The following IPCEF1 variants were observed in gnomAD, a reference collection of about 807,000 sequenced individuals.
The protein encoded by IPCEF1 is interactor protein for cytohesin exchange factors 1.
A neutral mutation model predicts 50.9 loss-of-function variants in IPCEF1; 31 were observed. The observed-to-expected ratio is 0.61, with a 90% CI of 0.46 to 0.82. IPCEF1 has a LOEUF of 0.82. Ranked by LOEUF, IPCEF1 falls within the 40% of genes least tolerant of loss-of-function variation. The pLI is 0.00. For synonymous variants in IPCEF1, 181 were observed against 192.0 expected (o/e 0.94, Z 0.47); for missense variants, 458 against 514.0 (o/e 0.89, Z 1.05).
In IPCEF1 at chr6:154,239,981, C is replaced by T. The variant is rs1458150735; in HGVS notation, c.246+6610G>A. Among the ~76,000 whole-genome samples the T allele has an allele frequency of 2.6e-5, 4 of 152,292 alleles. No homozygotes were observed. The East Asian group carries it at 5.8e-4, about 22-fold the overall frequency. On this transcript the variant is annotated intron_variant, in intron 5 of 11. Transcript: ENST00000367220. ...CCACCCAAAGTGCTGGGACTACAGGCGTGAGCCACAGCACCCAACCTTGAA... is the reference window on the plus strand; with the variant it reads ...CCACCCAAAGTGCTGGGACTACAGGTGTGAGCCACAGCACCCAACCTTGAA...
intron 1 of IPCEF1, among the ~76,000 whole-genome samples, chr6:154,341,397 G>A (rs1783915382): frequency 6.6e-6 from 1 of 152,170 alleles, no homozygotes; most frequent in Admixed American, 6.5e-5. Context: ...AAAGCCCTTG[G>A]GGCTTGAAGC....
chr6:154,187,130 T>C (rs1801442887), intron 10 of IPCEF1, among the ~76,000 whole-genome samples: 1 of 152,186 alleles, frequency 6.6e-6, no homozygotes, highest in Admixed American at 6.5e-5. Flanking sequence ...TGGAAGACTC[T>C]TCCCCAAATA....
At chr6:154,250,119 A>G (rs1781300215) in intron 3 of IPCEF1, among the ~76,000 whole-genome samples, 1 of 152,216 alleles carries the variant, frequency 6.6e-6, no homozygotes, top group African/African-American at 2.4e-5. Flanking sequence ...AAATTGGTTT[A>G]TATGAGACAG....
intron 5 of IPCEF1, among the ~76,000 whole-genome samples, chr6:154,245,894 C>G (rs1366688480): frequency 6.6e-6 from 1 of 152,216 alleles, no homozygotes; most frequent in African/African-American, 2.4e-5. Flanking sequence ...AACTTTATTT[C>G]CAGCCATTTT....
chr6:154,294,964 C>A (rs1045981752), intron 1 of IPCEF1, among the ~76,000 whole-genome samples: 1 of 152,108 alleles, frequency 6.6e-6, no homozygotes, highest in Non-Finnish European at 1.5e-5. Flanking sequence ...TTTGGGAGGC[C>A]AAGGCGGGCA....
At chr6:154,188,874 C>T (rs998610632) in intron 10 of IPCEF1, among the ~76,000 whole-genome samples, 4 of 151,874 alleles carry the variant, frequency 2.6e-5, no homozygotes, top group East Asian at 1.9e-4. Context: ...AGTGGACTAA[C>T]GTTTATAAAA....
In IPCEF1 at chr6:154,159,182, A is replaced by G. The variant is rs1798831998; in HGVS notation, c.*646T>C. On this transcript the variant is annotated 3_prime_UTR_variant, in exon 12 of 12. Coordinates refer to ENST00000367220, the MANE Select transcript of IPCEF1 (RefSeq NM_001130700.2). ...ATTAATCAGATCCCCTAACCTGCAT[A>G]AAGTGTGAAAACACCAAGCTGTCCT... 1 of 152,620 alleles carries G rather than the reference A, an allele frequency of 6.6e-6. No individual in the cohort carries two copies. Among genetic ancestry groups the G allele is most frequent in the Non-Finnish European group, 1.5e-5 (1 of 68,218 alleles). 9.5% of individuals were successfully genotyped at this position (152,620 alleles called of 1,614,324 possible). A position where few individuals can be genotyped will look rare whatever the true frequency, so the allele number is the denominator to read the frequency against.
chr6:154,340,915 GTA>G (rs201360728), intron 1 of IPCEF1, among the ~76,000 whole-genome samples: 4 of 101,644 alleles, frequency 3.9e-5, no homozygotes, highest in East Asian at 1.9e-3. Flanking sequence ...ATATATGTGT[GTA>G]TATATATGTG....
At chr6:154,339,798 G>A (rs937932250) in intron 1 of IPCEF1, among the ~76,000 whole-genome samples, 55 of 152,058 alleles carry the variant, frequency 3.6e-4, no homozygotes, top group African/African-American at 7.2e-4. Flanking sequence ...GTCTCACTAT[G>A]TATAACCCAG....
At chr6:154,305,863 G>C (rs1562587331) in intron 1 of IPCEF1, among the ~76,000 whole-genome samples, 1 of 152,170 alleles carries the variant, frequency 6.6e-6, no homozygotes, top group Non-Finnish European at 1.5e-5. Context: ...TCAGCTCTTG[G>C]ACCTTTGGAC....
At chr6:154,212,577 G>A (rs1471187984) in intron 9 of IPCEF1, among the ~76,000 whole-genome samples, 193 bp downstream of exon 9, 1 of 152,202 alleles carries the variant, frequency 6.6e-6, no homozygotes, top group African/African-American at 2.4e-5. Flanking sequence ...AATATACCAA[G>A]TTTATCATAC....
chr6:154,248,849 T>C (rs1781267005), intron 3 of IPCEF1, among the ~76,000 whole-genome samples: 1 of 152,178 alleles, frequency 6.6e-6, no homozygotes, highest in Admixed American at 6.5e-5. Context: ...CATCCCTTTA[T>C]ATGAGTATGT....
rs1302059903 is a variant in IPCEF1 at position 154,237,484 on chromosome 6, A to C, written c.246+9107T>G. 2.6e-5 allele frequency among the ~76,000 whole-genome samples: 4 copies of C among 152,222 alleles called. No homozygotes were observed. In the East Asian group the frequency reaches 7.7e-4, roughly 29 times the overall value. On this transcript the variant is annotated intron_variant, in intron 5 of 11. Transcript: ENST00000367220. Reference sequence around the variant, plus strand: ...TCCTAGCACAATTCTCCTGCATCCTAAAATCTCAATATTTAGGCAAACACA... The same window carrying C: ...TCCTAGCACAATTCTCCTGCATCCTCAAATCTCAATATTTAGGCAAACACA...
chr6:154,193,744 A>T (rs9371780), intron 10 of IPCEF1, among the ~76,000 whole-genome samples: 101,806 of 152,154 alleles, frequency 0.67, 34,644 homozygotes, highest in East Asian at 0.89. Flanking sequence ...GCTGCCAGAC[A>T]GACAAGGAGG....
At chr6:154,356,278 A>G (rs1784216250) in intron 1 of IPCEF1, among the ~76,000 whole-genome samples, 1 of 152,160 alleles carries the variant, frequency 6.6e-6, no homozygotes, top group Non-Finnish European at 1.5e-5. Context: ...ATGCAAAGGA[A>G]GCTCCCTTGC....
chr6:154,185,236 G>T (rs557731406), intron 10 of IPCEF1, among the ~76,000 whole-genome samples: 1 of 152,326 alleles, frequency 6.6e-6, no homozygotes, highest in African/African-American at 2.4e-5. Flanking sequence ...CTGCCAAGGA[G>T]GAGGGTCTTC....
rs902662673 is a variant in IPCEF1, at chr6:154,290,636, TG to T, written c.-61-881del. Reference sequence around the variant, plus strand: ...ACCTCTGCTAACAATAACTTCCCACTGTCTCTCTCAAAATATGAAAACAAAA... The same window carrying T: ...ACCTCTGCTAACAATAACTTCCCACTTCTCTCTCAAAATATGAAAACAAAA... On this transcript the variant is annotated intron_variant, in intron 1 of 11. Transcript: ENST00000367220. Among the ~76,000 whole-genome samples, 59 of 152,148 alleles carry T rather than the reference TG, an allele frequency of 3.9e-4. 1 individual carries two copies. Among genetic ancestry groups the T allele is most frequent in the African/African-American group, 3.1e-4 (13 of 41,430 alleles).
At position 154,302,490 on chromosome 6, in the gene IPCEF1, G is replaced by C. The variant is rs115721808; in HGVS notation, c.-61-12734C>G. On this transcript the variant is annotated intron_variant, in intron 1 of 11. Coordinates refer to ENST00000367220, the MANE Select transcript of IPCEF1 (RefSeq NM_001130700.2). ...AGCTTTTTCTTTTCTTCTCTTTAGTGGGGGAAGGGGGTTTTGCTGTGTCTC... is the reference window on the plus strand; with the variant it reads ...AGCTTTTTCTTTTCTTCTCTTTAGTCGGGGAAGGGGGTTTTGCTGTGTCTC... Among the ~76,000 whole-genome samples, 1,194 of 152,186 alleles carry C rather than the reference G, an allele frequency of 7.8e-3. 10 individuals are homozygous for C. The highest frequency in any genetic ancestry group is 0.022 in the African/African-American group (920 of 41,512).
At chr6:154,204,729 AC>A (rs1231093045) in intron 9 of IPCEF1, among the ~76,000 whole-genome samples, 1 of 151,810 alleles carries the variant, frequency 6.6e-6, no homozygotes, top group Non-Finnish European at 1.5e-5. Flanking sequence ...CCCCCATCCC[AC>A]CCCAGTCCAT....
Sources: allele counts gnomAD v4.1 joint callset (sites outside exome capture counted in the v4.1 genomes callset), GRCh38; gene constraint gnomAD v4.1.1; transcripts MANE v1.5; gene names NCBI Gene and HGNC (gene_info 2026-07-23, HGNC 2026-07-21).